Variants in TMEM245 observed in about 807,000 individuals in gnomAD.
TMEM245 encodes the protein protein CG-2.
In TMEM245, 69 loss-of-function variants were observed where a neutral mutation model predicts 101.2. The ratio of observed to expected loss-of-function variants is 0.68; its 90% CI spans 0.56 to 0.83. The LOEUF (loss-of-function observed/expected upper bound fraction) is 0.83. TMEM245 is among the 40% of genes least tolerant of loss of function. The pLI, the probability that TMEM245 is intolerant of heterozygous loss-of-function variation, is 0.00. For synonymous variants in TMEM245, 537 were observed against 449.8 expected, an observed-to-expected ratio of 1.19 and a Z score of -2.45; for missense variants, 1,075 against 1,092.8, an observed-to-expected ratio of 0.98 and a Z score of 0.23.
chr9:109,087,814 G>A (rs1020538319), intron 5 of TMEM245, among the ~76,000 whole-genome samples: 6 of 152,132 alleles, frequency 3.9e-5, no homozygotes, highest in South Asian at 4.1e-4. Flanking sequence ...TATTCCATAC[G>A]CATCATGATT....
At chr9:109,079,941 T>C (rs1829620873) in intron 8 of TMEM245, among the ~76,000 whole-genome samples, 1 of 152,098 alleles carries the variant, frequency 6.6e-6, no homozygotes, top group African/African-American at 2.4e-5. Context: ...ATACAAAGAC[T>C]GAAACAGAAG....
intron 17 of TMEM245, among the ~76,000 whole-genome samples, chr9:109,023,593 G>C (rs1025418787): frequency 6.6e-6 from 1 of 152,132 alleles, no homozygotes; most frequent in African/African-American, 2.4e-5. Context: ...CCAGCACTTT[G>C]GGAGGCCGAG....
intron 7 of TMEM245, among the ~76,000 whole-genome samples, chr9:109,082,219 C>T (rs908036055): frequency 6.6e-6 from 1 of 152,088 alleles, no homozygotes; most frequent in Non-Finnish European, 1.5e-5. Flanking sequence ...ACTAAGAGAT[C>T]AATGCTAAAG....
intron 3 of TMEM245, among the ~76,000 whole-genome samples, chr9:109,096,481 C>T (rs1054442388): frequency 3.9e-5 from 6 of 152,144 alleles, no homozygotes; most frequent in Non-Finnish European, 7.4e-5. Context: ...CACCACTGCA[C>T]TCTGCCTGGG....
chr9:109,106,992 G>C (rs1830444769), intron 2 of TMEM245, among the ~76,000 whole-genome samples: 1 of 151,794 alleles, frequency 6.6e-6, no homozygotes, highest in Non-Finnish European at 1.5e-5. Flanking sequence ...TTGGTTTCTT[G>C]AAAATACCAC....
At chr9:109,051,733 T>C (rs533495334) in intron 12 of TMEM245, among the ~76,000 whole-genome samples, 102 of 152,304 alleles carry the variant, frequency 6.7e-4, no homozygotes, top group African/African-American at 2.4e-3. Flanking sequence ...CTGGGGAATA[T>C]GCTAGAGTAC....
rs367898701 is a variant in TMEM245 at position 109,091,051 on chromosome 9, C to T, written c.1021G>A (p.Glu341Lys). 2 of 1,614,042 alleles carry T rather than the reference C, an allele frequency of 1.2e-6. No individual in the cohort carries two copies. Among genetic ancestry groups the T allele is most frequent in the African/African-American group, 2.7e-5 (2 of 74,924 alleles). Reference sequence around the variant, plus strand: ...TTCTTTCTAAGAAACGTTCCTATTTCAGGCCTTCGTCTGCCCAGAGTAGGT... The same window carrying T: ...TTCTTTCTAAGAAACGTTCCTATTTTAGGCCTTCGTCTGCCCAGAGTAGGT... ...PSPTLGRRRPEIGTFLRKKKT... is the reference protein window; with the variant it reads ...PSPTLGRRRPKIGTFLRKKKT... Residue 341 changes from glutamate (E) to lysine (K), a missense_variant, in exon 5 of 18, where the codon GAA becomes AAA. Glu to Lys is a moderately conservative substitution (Grantham distance 56). This residue lies in a region of TMEM245 where 808 missense variants were observed against 741.5 expected (regional missense o/e 1.09). Transcript: ENST00000374586.
intron 17 of TMEM245, among the ~76,000 whole-genome samples, chr9:109,027,768 G>A (rs548459791): frequency 4.6e-5 from 7 of 151,966 alleles, no homozygotes; most frequent in South Asian, 4.2e-4. Context: ...TCACTGCAAC[G>A]TCCACCTCCT....
At chr9:109,080,248 A>C (rs768703577) in intron 8 of TMEM245, among the ~76,000 whole-genome samples, 2 of 152,120 alleles carry the variant, frequency 1.3e-5, no homozygotes, top group Non-Finnish European at 2.9e-5. Flanking sequence ...AAAATGTACC[A>C]TAAAAGTGGG....
chr9:109,073,237 C>T (rs936133956), intron 9 of TMEM245, 119 bp downstream of exon 9: 84 of 758,950 alleles, frequency 1.1e-4, no homozygotes, highest in Non-Finnish European at 1.7e-4. Flanking sequence ...TTTATCAAAG[C>T]TCTGGCAAAC....
In TMEM245 at chr9:109,119,561, G is replaced by C. The variant is rs745561645; in HGVS notation, c.353C>G (p.Pro118Arg). The C allele has an allele frequency of 6.5e-6, 10 of 1,538,656 alleles. No individual in the cohort carries two copies. Among genetic ancestry groups the C allele is most frequent in the South Asian group, 1.2e-5 (1 of 83,752 alleles). The change falls in exon 1 of 18, where the codon CCC (proline) becomes CGC (arginine). Residue 118 changes from proline to arginine, a missense_variant. Physicochemically the swap from Pro to Arg is moderately radical, Grantham distance 103 (BLOSUM62 -2). Transcript: ENST00000374586. ...CAGGAGCAGCGCGGCCAGGACGATG[G>C]GCGTGTGCGCGCGGTGCAGGCGCTG... ...WLQRLHRAHT[P>R]IVLAALLLPL...
chr9:109,057,191 C>T lies in TMEM245; in HGVS notation c.1854G>A (p.Ser618=), dbSNP rs781442206. ...CTTAACTATAAATGCTATTTCTTAC[C>T]GAAAGAAATGTCTCAATGTTCTCGT... The part of the protein sequence containing the change: ...FVHENIETFL[S]ILESLWIVMS... Residue 618 remains serine (S), a splice_region_variant and synonymous_variant, in exon 12 of 18, where the codon TCG becomes TCA. Transcript: ENST00000374586. 17 of 1,610,888 alleles carry T rather than the reference C, an allele frequency of 1.1e-5. No individual in the cohort carries two copies. The highest frequency in any genetic ancestry group is 3.3e-5 in the South Asian group (3 of 90,338).
At chr9:109,086,288 T>C (rs1296898663) in intron 6 of TMEM245, among the ~76,000 whole-genome samples, 2 of 152,252 alleles carry the variant, frequency 1.3e-5, no homozygotes, top group Admixed American at 6.5e-5. Flanking sequence ...ATAACCTGCA[T>C]GCTCGTAGGC....
chr9:109,072,312 T>G (rs1222267161), intron 9 of TMEM245, among the ~76,000 whole-genome samples: 5 of 152,194 alleles, frequency 3.3e-5, no homozygotes, highest in African/African-American at 1.2e-4. Context: ...CCGCTCCCAC[T>G]AGCTACTCTC....
Position 109,119,809 on chromosome 9 carries a change from C to A in TMEM245, c.105G>T (p.Glu35Asp). The A allele has an allele frequency of 6.9e-7, 1 of 1,447,650 alleles. No individual in the cohort carries two copies. The highest frequency in any genetic ancestry group is 1.4e-5 in the South Asian group (1 of 73,770). 89.7% of individuals were successfully genotyped at this position (1,447,650 alleles called of 1,614,324 possible). A position where few individuals can be genotyped will look rare whatever the true frequency, so the allele number is the denominator to read the frequency against. Residue 35 changes from glutamate to aspartate, a missense_variant, in exon 1 of 18, where the codon GAG (glutamate) becomes GAT (aspartate). Glu to Asp is a conservative substitution (Grantham distance 45). Around this residue, in one of 2 missense-constraint regions of TMEM245, gnomAD observed 808 missense variants for 741.5 expected, o/e 1.09. Transcript: ENST00000374586. ...RAVGPSGGGG[E>D]TPRTAALALR... is the part of the protein sequence containing the mutation. ...GCGCCAGCGCCGCGGTCCGCGGGGTCTCCCCGCCACCGCCACTCGGCCCGA... is the reference window on the plus strand; with the variant it reads ...GCGCCAGCGCCGCGGTCCGCGGGGTATCCCCGCCACCGCCACTCGGCCCGA...
At chr9:109,086,087 C>A (rs563307367) in intron 6 of TMEM245, 67 bp from the exon 7 acceptor site, 2 of 1,519,090 alleles carry the variant, frequency 1.3e-6, no homozygotes, top group Non-Finnish European at 1.8e-6. Flanking sequence ...GAGAATGCAA[C>A]CATAGTATGA....
intron 1 of TMEM245, among the ~76,000 whole-genome samples, chr9:109,117,715 T>C (rs1156294928): frequency 6.6e-6 from 1 of 152,202 alleles, no homozygotes; most frequent in Non-Finnish European, 1.5e-5. Context: ...AAATATACTA[T>C]TTACATGTGG....
At chr9:109,041,455 T>A (rs1411236558) in intron 14 of TMEM245, among the ~76,000 whole-genome samples, 3 of 89,142 alleles carry the variant, frequency 3.4e-5, no homozygotes, top group Admixed American at 1.1e-4. Flanking sequence ...TCCTACAAAT[T>A]TTTTTTTTTT....
intron 12 of TMEM245, among the ~76,000 whole-genome samples, chr9:109,056,274 G>C (rs909663881): frequency 6.6e-5 from 10 of 151,962 alleles, no homozygotes; most frequent in African/African-American, 2.4e-4. Flanking sequence ...TGCCTTTTCA[G>C]TTATGGTCAT....
Sources: gnomAD v4.1 joint callset for allele counts (sites outside exome capture counted in the v4.1 genomes callset) on GRCh38, gnomAD v4.1.1 for gene constraint, gnomAD v4.1.1 regional missense constraint, MANE v1.5 for transcripts, NCBI Gene and HGNC (gene_info 2026-07-23, HGNC 2026-07-21) for gene names.